Variants in MAP4K4 observed in about 807,000 individuals in gnomAD.
MAP4K4 encodes HPK/GCK-like kinase HGK.
Under a neutral mutation model 189.6 loss-of-function variants are expected in MAP4K4, and 38 were observed. The ratio of observed to expected loss-of-function variants is 0.20; its 90% CI spans 0.15 to 0.26. The LOEUF (loss-of-function observed/expected upper bound fraction) is 0.26, where lower values mean the gene tolerates loss of function less well. Ranked by LOEUF, MAP4K4 falls within the 10% of genes least tolerant of loss-of-function variation. MAP4K4 has a pLI of 1.00. For missense variants in MAP4K4, 1,054 were observed against 1,726.9 expected (o/e 0.61, Z 6.91); for synonymous variants, 610 against 624.3 (o/e 0.98, Z 0.34).
At chr2:101,873,345 A>AT (rs373187757) in intron 24 of MAP4K4, among the ~76,000 whole-genome samples, 1,617 of 151,912 alleles carry the variant, frequency 0.011, 38 homozygotes, top group African/African-American at 0.037. Flanking sequence ...TATTTACTTA[A>AT]TTTTTTTTTA....
At chr2:101,845,096 C>G (rs2097055676) in intron 12 of MAP4K4, among the ~76,000 whole-genome samples, 1 of 151,640 alleles carries the variant, frequency 6.6e-6, no homozygotes, top group Non-Finnish European at 1.5e-5. Flanking sequence ...GGACCCTTCC[C>G]TAGAGCCTTC....
At chr2:101,791,338 G>C (rs1037365486) in intron 3 of MAP4K4, among the ~76,000 whole-genome samples, 1 of 152,140 alleles carries the variant, frequency 6.6e-6, no homozygotes, top group African/African-American at 2.4e-5. Flanking sequence ...TGCAGCTTTA[G>C]ATGGGAAAGA....
At position 101,887,951 on chromosome 2, in the gene MAP4K4, G is replaced by T; in HGVS notation, c.3931+14G>T. On this transcript the variant is annotated intron_variant, in intron 31 of 32. Transcript: ENST00000324219. ...CTACATCAGTAGGTATGGAGAACTT[G>T]GGGAAAGGCAGCATTTGTGAAAATG... is the stretch of plus-strand genomic sequence containing the variant. 1 of 1,568,346 alleles carries T rather than the reference G, an allele frequency of 6.4e-7. No individual in the cohort carries two copies. The highest frequency in any genetic ancestry group is 1.4e-5 in the African/African-American group (1 of 73,222).
Position 101,856,053 on chromosome 2 carries a change from G to A in MAP4K4, c.1310G>A (p.Arg437His), listed in dbSNP as rs368647388. ...AGGAGAGAACAAGAAGAAAAGAGGC[G>A]TCTAGAGGAGTTGGAGAGAAGGCGC... Residue 437 changes from arginine (R) to histidine (H), a missense_variant, in exon 13 of 33, where the codon CGT becomes CAT. This residue lies in a region of MAP4K4 where 646 missense variants were observed against 796.2 expected (regional missense o/e 0.81). Coordinates refer to ENST00000324219, the Ensembl canonical transcript of MAP4K4. 1.2e-5 allele frequency: 19 copies of A among 1,551,680 alleles called. No individual in the cohort carries two copies. Among genetic ancestry groups the A allele is most frequent in the Admixed American group, 2.0e-5 (1 of 50,980 alleles).
exon 10 of MAP4K4, chr2:101,839,969 T>G: frequency 6.2e-7 from 1 of 1,603,738 alleles, no homozygotes; most frequent in Non-Finnish European, 8.5e-7. Flanking sequence ...ATATAGATCG[T>G]ACCAGGAAGA....
chr2:101,739,363 T>C (rs957250360), intron 2 of MAP4K4, among the ~76,000 whole-genome samples: 19 of 152,044 alleles, frequency 1.2e-4, no homozygotes, highest in African/African-American at 4.6e-4. Flanking sequence ...TTTATTTTCT[T>C]CATGGATAGG....
chr2:101,757,849 G>A (rs756178302), intron 2 of MAP4K4, among the ~76,000 whole-genome samples: 10 of 152,076 alleles, frequency 6.6e-5, no homozygotes, highest in Non-Finnish European at 1.5e-4. Flanking sequence ...GTGAAATCCC[G>A]TCTCTACTAA....
chr2:101,824,237 AT>A (rs1448854030), intron 4 of MAP4K4, among the ~76,000 whole-genome samples, 184 bp downstream of exon 4: 28 of 152,214 alleles, frequency 1.8e-4, no homozygotes, highest in Middle Eastern at 6.8e-3. Context: ...CTGGTTGTTT[AT>A]TTTGATGTCG....
At chr2:101,754,344 T>G (rs938085562) in intron 2 of MAP4K4, among the ~76,000 whole-genome samples, 3 of 6,228 alleles carry the variant, frequency 4.8e-4, no homozygotes, top group African/African-American at 4.1e-3. Flanking sequence ...TTTTGCTGTT[T>G]TTTTTTTTTT....
intron 2 of MAP4K4, among the ~76,000 whole-genome samples, chr2:101,734,768 G>C (rs2149653514): frequency 6.6e-6 from 1 of 152,182 alleles, no homozygotes; most frequent in East Asian, 1.9e-4. Flanking sequence ...AGAAATCCTG[G>C]GTCTGTGCTC....
At chr2:101,767,867 A>G (rs957691323) in intron 2 of MAP4K4, among the ~76,000 whole-genome samples, 13 of 152,092 alleles carry the variant, frequency 8.5e-5, no homozygotes, top group African/African-American at 1.2e-4. Context: ...GTAATATTCT[A>G]TTGCTTGTGT....
At chr2:101,848,999 C>T (rs772347155) in intron 12 of MAP4K4, among the ~76,000 whole-genome samples, 18 of 152,130 alleles carry the variant, frequency 1.2e-4, no homozygotes, top group Non-Finnish European at 2.1e-4. Flanking sequence ...TGCCCCTCCC[C>T]GCTGCTCTTC....
intron 2 of MAP4K4, among the ~76,000 whole-genome samples, chr2:101,712,153 C>T (rs936530371): frequency 4.0e-5 from 6 of 151,708 alleles, no homozygotes; most frequent in Non-Finnish European, 8.8e-5. Context: ...CCCACTTGGC[C>T]TTATAGTTTT....
At chr2:101,882,682 G>A in exon 28 of MAP4K4, 1 of 1,580,108 alleles carries the variant, frequency 6.3e-7, no homozygotes, top group South Asian at 1.2e-5. Context: ...ACATTATAAA[G>A]TTGGTAAGTT....
chr2:101,840,883 T>C (rs988904139), intron 10 of MAP4K4, among the ~76,000 whole-genome samples: 3 of 152,230 alleles, frequency 2.0e-5, no homozygotes, highest in Non-Finnish European at 4.4e-5. Flanking sequence ...ATAACCTTTT[T>C]CCTTCTGATA....
At chr2:101,760,538 G>GTA (rs2075894954) in intron 2 of MAP4K4, among the ~76,000 whole-genome samples, 1 of 145,992 alleles carries the variant, frequency 6.8e-6, no homozygotes, top group East Asian at 1.9e-4. Context: ...ATATGTGTGT[G>GTA]TGTGTGTGTG....
intron 20 of MAP4K4, chr2:101,867,625 T>G (rs901610655): frequency 8.9e-6 from 3 of 338,396 alleles, no homozygotes; most frequent in African/African-American, 6.3e-5. Flanking sequence ...CTAAGGAAAC[T>G]GATGCTTTAA....
At chr2:101,806,981 G>C (rs747646542) in intron 3 of MAP4K4, among the ~76,000 whole-genome samples, 3 of 152,056 alleles carry the variant, frequency 2.0e-5, no homozygotes, top group Non-Finnish European at 4.4e-5. Context: ...GGTTGGGCAC[G>C]TGTGGAGTAG....
At chr2:101,846,251 C>T (rs2149626166) in intron 12 of MAP4K4, among the ~76,000 whole-genome samples, 1 of 152,308 alleles carries the variant, frequency 6.6e-6, no homozygotes, top group East Asian at 1.9e-4. Context: ...TGAATGAGTT[C>T]AGAGATCTGT....
Sources: allele counts gnomAD v4.1 joint callset (sites outside exome capture counted in the v4.1 genomes callset), GRCh38; gene constraint gnomAD v4.1.1; regional missense constraint gnomAD v4.1.1; transcripts MANE v1.5; gene names NCBI Gene and HGNC (gene_info 2026-07-23, HGNC 2026-07-21).